The following PRKG1 variants were observed in gnomAD, a reference collection of about 807,000 sequenced individuals.
PRKG1 encodes protein kinase cGMP-dependent 1, also known as cGMP-dependent protein kinase 1.
PRKG1 carries 35 observed loss-of-function variants against 88.1 expected under a neutral mutation model. The observed-to-expected ratio is 0.40, with a 90% CI of 0.30 to 0.53. PRKG1 has a LOEUF of 0.53. Among genes scored for constraint, PRKG1 ranks in the 20% least tolerant of loss-of-function variants. PRKG1 has a pLI of 0.59. For synonymous variants in PRKG1, 303 were observed against 292.5 expected (o/e 1.04, Z -0.37); for missense variants, 540 against 839.8 (o/e 0.64, Z 4.41).
intron 1 of PRKG1, among the ~76,000 whole-genome samples, chr10:51,094,935 T>G (rs1844492913): frequency 6.6e-6 from 1 of 152,128 alleles, no homozygotes; most frequent in South Asian, 2.1e-4. Flanking sequence ...TTAGGGAAAT[T>G]AAATAACTTG....
At chr10:52,293,335 C>T (rs900842919) in intron 17 of PRKG1, among the ~76,000 whole-genome samples, 5 of 151,286 alleles carry the variant, frequency 3.3e-5, no homozygotes, top group Non-Finnish European at 7.4e-5. Flanking sequence ...GGCCATACTG[C>T]CCAAGGTAAT....
intron 2 of PRKG1, among the ~76,000 whole-genome samples, chr10:51,210,224 A>C (rs913464517): frequency 6.6e-6 from 1 of 152,226 alleles, no homozygotes; most frequent in Non-Finnish European, 1.5e-5. Flanking sequence ...TACCGGGTAC[A>C]TAACGAAATG....
chr10:52,240,609 A>G (rs974785095), intron 9 of PRKG1, among the ~76,000 whole-genome samples: 1 of 152,130 alleles, frequency 6.6e-6, no homozygotes, highest in African/African-American at 2.4e-5. Flanking sequence ...TTTGCATCCA[A>G]TGGCAGTGAC....
At chr10:51,548,401 T>G (rs933918020) in intron 3 of PRKG1, among the ~76,000 whole-genome samples, 3 of 152,274 alleles carry the variant, frequency 2.0e-5, no homozygotes, top group African/African-American at 7.2e-5. Flanking sequence ...TATAGTAGAT[T>G]GGTACCAAAC....
At chr10:51,524,105 A>G (rs886155748) in intron 3 of PRKG1, among the ~76,000 whole-genome samples, 1 of 152,178 alleles carries the variant, frequency 6.6e-6, no homozygotes, top group African/African-American at 2.4e-5. Context: ...TGCTCCTGCT[A>G]TAGAAGACTC....
At chr10:52,158,884 G>A (rs556062662) in intron 8 of PRKG1, among the ~76,000 whole-genome samples, 3 of 151,234 alleles carry the variant, frequency 2.0e-5, no homozygotes, top group Admixed American at 1.3e-4. Context: ...TGTGTAAAAG[G>A]TCTCCAACTC....
At chr10:52,119,144 T>G (rs1242210187) in intron 7 of PRKG1, among the ~76,000 whole-genome samples, 2 of 152,150 alleles carry the variant, frequency 1.3e-5, no homozygotes, top group African/African-American at 4.8e-5. Context: ...AGATCACAAT[T>G]ACAGGCTTAT....
intron 2 of PRKG1, among the ~76,000 whole-genome samples, chr10:51,211,218 A>C (rs9415778): frequency 0.015 from 2,302 of 152,240 alleles, 48 homozygotes; most frequent in African/African-American, 0.052. Flanking sequence ...CAAAAACCAC[A>C]TGACTATCTC....
At chr10:51,099,668 A>G (rs2131878984) in intron 1 of PRKG1, among the ~76,000 whole-genome samples, 1 of 152,188 alleles carries the variant, frequency 6.6e-6, no homozygotes, top group East Asian at 1.9e-4. Context: ...AATGAGGAAA[A>G]CATTCTTGTG....
chr10:52,066,789 T>A (rs12782457), intron 7 of PRKG1, among the ~76,000 whole-genome samples: 26,299 of 152,132 alleles, frequency 0.17, 2,883 homozygotes, highest in South Asian at 0.28. Flanking sequence ...TCTGATTTTT[T>A]AAAAAAGCTC....
chr10:52,200,372 G>T (rs61847308), intron 9 of PRKG1, among the ~76,000 whole-genome samples: 1 of 152,056 alleles, frequency 6.6e-6, no homozygotes, highest in Non-Finnish European at 1.5e-5. Flanking sequence ...TATCTTTGCT[G>T]TTGCAAAGGA....
intron 2 of PRKG1, among the ~76,000 whole-genome samples, chr10:51,158,624 C>G (rs1242411657): frequency 6.6e-6 from 1 of 151,992 alleles, no homozygotes; most frequent in Admixed American, 6.6e-5. Flanking sequence ...TGTAGATCAT[C>G]TGGCATCCAT....
chr10:52,175,470 T>C lies in PRKG1; in HGVS notation c.1076+13507T>C, dbSNP rs537820227. ...CAATAAACATGGGGAGACAGATGTC[T>C]CTTCAATATACTGATTTCCTTTTCT... On this transcript the variant is annotated intron_variant, in intron 9 of 17. Coordinates refer to ENST00000373980, the MANE Select transcript of PRKG1 (RefSeq NM_006258.4). Among the ~76,000 whole-genome samples, 100 of 152,254 alleles carry C rather than the reference T, an allele frequency of 6.6e-4. 1 individual carries two copies. The South Asian group carries it at 0.02, about 30-fold the overall frequency.
At chr10:52,283,949 T>C (rs1324904279) in intron 14 of PRKG1, among the ~76,000 whole-genome samples, 1 of 152,024 alleles carries the variant, frequency 6.6e-6, no homozygotes, top group African/African-American at 2.4e-5. Flanking sequence ...CATGACAACT[T>C]ATATTTCTCC....
intron 5 of PRKG1, among the ~76,000 whole-genome samples, chr10:52,028,489 TATC>T (rs1845399510): frequency 2.0e-5 from 3 of 152,212 alleles, no homozygotes; most frequent in Admixed American, 2.0e-4. Flanking sequence ...ACTCTTTTAT[TATC>T]ATCTCCACTT....
intron 9 of PRKG1, among the ~76,000 whole-genome samples, chr10:52,249,843 G>GC: frequency 6.7e-6 from 1 of 148,346 alleles, no homozygotes; most frequent in Admixed American, 6.8e-5. Flanking sequence ...AAAACAAAAA[G>GC]CAAAAAACAA....
intron 8 of PRKG1, among the ~76,000 whole-genome samples, chr10:52,147,305 G>A (rs1252999724): frequency 6.6e-6 from 1 of 152,140 alleles, no homozygotes; most frequent in Non-Finnish European, 1.5e-5. Flanking sequence ...TATAGATTGT[G>A]GTCAGTGGTG....
chr10:51,212,098 A>G (rs866807976), intron 2 of PRKG1, among the ~76,000 whole-genome samples: 2,944 of 151,930 alleles, frequency 0.019, 41 homozygotes, highest in Middle Eastern at 0.051. Flanking sequence ...AAACAGCATG[A>G]TACTGGTACC....
At chr10:51,279,061 A>G (rs996345243) in intron 2 of PRKG1, among the ~76,000 whole-genome samples, 2 of 152,098 alleles carry the variant, frequency 1.3e-5, no homozygotes, top group African/African-American at 4.8e-5. Flanking sequence ...TGTCAATTTT[A>G]GATCTTTCCT....
Sources: gnomAD v4.1 joint callset for allele counts (sites outside exome capture counted in the v4.1 genomes callset) on GRCh38, gnomAD v4.1.1 for gene constraint, MANE v1.5 for transcripts, NCBI Gene and HGNC (gene_info 2026-07-23, HGNC 2026-07-21) for gene names.